The following ISX variants were observed in gnomAD, a reference collection of about 807,000 sequenced individuals.
The protein encoded by ISX is intestine-specific homeobox.
A neutral mutation model predicts 16.9 loss-of-function variants in ISX; 15 were observed. That is an observed-to-expected ratio of 0.89 (90% confidence interval 0.59 to 1.36). The LOEUF (loss-of-function observed/expected upper bound fraction) is 1.36, where lower values mean the gene tolerates loss of function less well. ISX is among the 40% of genes most tolerant of loss of function. The pLI, the probability that ISX is intolerant of heterozygous loss-of-function variation, is 0.00. For synonymous variants in ISX, 125 were observed against 119.7 expected (o/e 1.04, Z -0.29); for missense variants, 316 against 306.1 (o/e 1.03, Z -0.24).
chr22:35,080,261 A>G (rs1929094005), intron 2 of ISX, among the ~76,000 whole-genome samples: 1 of 152,172 alleles, frequency 6.6e-6, no homozygotes, highest in South Asian at 2.1e-4. Flanking sequence ...ATGACTACAA[A>G]GGCTAAATAG....
chr22:35,084,504 G>A lies in ISX; in HGVS notation c.498+5G>A. The A allele has an allele frequency of 6.3e-7, 1 of 1,594,524 alleles. No homozygotes were observed. Among genetic ancestry groups the A allele is most frequent in the Non-Finnish European group, 8.6e-7 (1 of 1,163,676 alleles). ...CCCACAAATCTGGATGTGGCTGTAAGTGGCTGAGGCCTCAAGGTAGGGTGG... is the reference window on the plus strand; with the variant it reads ...CCCACAAATCTGGATGTGGCTGTAAATGGCTGAGGCCTCAAGGTAGGGTGG... On this transcript the variant is annotated splice_donor_5th_base_variant and intron_variant, in intron 4 of 4. Transcript: ENST00000404699.
rs867585196 is a variant in ISX, at chr22:35,085,493, C to T, written c.538C>T (p.Pro180Ser). Residue 180 changes from proline to serine, a missense_variant, in exon 5 of 5, where the codon CCT becomes TCT. Physicochemically the swap from Pro to Ser is moderately conservative, Grantham distance 74. Transcript: ENST00000404699. ...ATCCACTGCTCTGCGCAGGCTGGCT[C>T]CTCCCACGAGCTGTTGTCCATCGGC... The part of the protein sequence containing the change: ...WTSTALRRLA[P>S]PTSCCPSAQD... 2 of 1,614,200 alleles carry T rather than the reference C, an allele frequency of 1.2e-6. No individual in the cohort carries two copies. Among genetic ancestry groups the T allele is most frequent in the East Asian group, 2.2e-5 (1 of 44,872 alleles).
chr22:35,066,763 T>C lies in ISX; in HGVS notation c.-325T>C. On this transcript the variant is annotated 5_prime_UTR_variant, in exon 2 of 5. Coordinates refer to ENST00000404699, the MANE Select transcript of ISX (RefSeq NM_001303508.2). The stretch of plus-strand genomic sequence containing the variant: ...GGCGGTGACCTCAGGGATCCTGGCC[T>C]AACCTGGTGATTGTGCAGGCAACTG... The C allele has an allele frequency of 3.4e-6, 1 of 295,490 alleles. No individual in the cohort carries two copies. Among genetic ancestry groups the C allele is most frequent in the Non-Finnish European group, 6.3e-6 (1 of 158,894 alleles). The allele number at this position is 295,490 out of a possible 1,614,324, so 18.3% of individuals were successfully genotyped here.
At position 35,067,146 on chromosome 22, in the gene ISX, G is replaced by A. The variant is rs1172660394; in HGVS notation, c.59G>A (p.Cys20Tyr). The change falls in exon 2 of 5, where the codon TGC becomes TAC. Residue 20 changes from cysteine to tyrosine, a missense_variant. Transcript: ENST00000404699. ...CRGMERNSLGCCEAPKKLSLS... is the reference protein window; with the variant it reads ...CRGMERNSLGYCEAPKKLSLS... ...GGTATGGAGAGAAATAGCTTGGGGT[G>A]CTGTGAGGCCCCGAAGAAGCTGAGC... is the stretch of plus-strand genomic sequence containing the variant. 2 of 1,614,072 alleles carry A rather than the reference G, an allele frequency of 1.2e-6. No homozygotes were observed. The highest frequency in any genetic ancestry group is 8.5e-7 in the Non-Finnish European group (1 of 1,179,976).
chr22:35,082,694 C>T lies in ISX; in HGVS notation c.381+25C>T, dbSNP rs761959842. On this transcript the variant is annotated intron_variant, in intron 3 of 4. Coordinates refer to ENST00000404699, the MANE Select transcript of ISX (RefSeq NM_001303508.2). ...GGTACAGCCATCCCTACCTCAGCCC[C>T]CAGCCTCCATGCCCTTGGGACCATG... 23 of 1,613,286 alleles carry T rather than the reference C, an allele frequency of 1.4e-5. No individual in the cohort carries two copies. The East Asian group carries it at 4.7e-4, about 33-fold the overall frequency.
At chr22:35,069,864 T>C (rs1928803735) in intron 2 of ISX, among the ~76,000 whole-genome samples, 1 of 152,160 alleles carries the variant, frequency 6.6e-6, no homozygotes, top group Non-Finnish European at 1.5e-5. Context: ...AAAGGCTTCC[T>C]AGACTGGCTC....
chr22:35,072,706 C>G (rs1464443712), intron 2 of ISX, among the ~76,000 whole-genome samples: 1 of 152,332 alleles, frequency 6.6e-6, no homozygotes, highest in East Asian at 1.9e-4. Context: ...TTTATCCAGA[C>G]AGGCAACAAA....
At position 35,084,381 on chromosome 22, in the gene ISX, A is replaced by G; in HGVS notation, c.382-2A>G. On this transcript the variant is annotated splice_acceptor_variant, in intron 3 of 4. Coordinates refer to ENST00000404699, the MANE Select transcript of ISX (RefSeq NM_001303508.2). LOFTEE classifies it high-confidence loss of function. Reference sequence around the variant, plus strand: ...ATCCCCGTCCTTTCTCCCTGATTACAGATCTGGTTCCAGAATCAGCGAGCC... The same window carrying G: ...ATCCCCGTCCTTTCTCCCTGATTACGGATCTGGTTCCAGAATCAGCGAGCC... The G allele has an allele frequency of 6.2e-7, 1 of 1,609,824 alleles. No individual in the cohort carries two copies. The highest frequency in any genetic ancestry group is 8.5e-7 in the Non-Finnish European group (1 of 1,176,432).
In ISX at chr22:35,073,562, G is replaced by A. The variant is rs1928910261; in HGVS notation, c.229+6246G>A. Among the ~76,000 whole-genome samples the A allele has an allele frequency of 3.3e-5, 5 of 152,196 alleles. No individual in the cohort carries two copies. The South Asian group carries it at 8.3e-4, about 25-fold the overall frequency. The stretch of plus-strand genomic sequence containing the variant: ...CACAAATGAAAGTACAATTACAATT[G>A]TGGCAAGTGCTGGGGAGATGGTGAC... On this transcript the variant is annotated intron_variant, in intron 2 of 4. Transcript: ENST00000404699.
chr22:35,071,711 G>C (rs973917280), intron 2 of ISX, among the ~76,000 whole-genome samples: 12 of 152,116 alleles, frequency 7.9e-5, no homozygotes, highest in Non-Finnish European at 1.2e-4. Context: ...GGAGAGAAAG[G>C]GCCTCTTCAG....
chr22:35,079,951 C>T (rs1929084128), intron 2 of ISX, among the ~76,000 whole-genome samples: 1 of 152,226 alleles, frequency 6.6e-6, no homozygotes, highest in Non-Finnish European at 1.5e-5. Context: ...GAGCTACAGG[C>T]AATGCTGGTT....
intron 2 of ISX, 117 bp downstream of exon 2, chr22:35,067,433 G>T (rs749329719): frequency 5.7e-6 from 4 of 698,740 alleles, no homozygotes; most frequent in Non-Finnish European, 9.5e-6. Context: ...AAAATTCAGA[G>T]CAAGACCTGG....
intron 2 of ISX, among the ~76,000 whole-genome samples, chr22:35,077,556 G>T (rs926836608): frequency 6.6e-6 from 1 of 151,998 alleles, no homozygotes; most frequent in East Asian, 1.9e-4. Flanking sequence ...ATGAATTTTA[G>T]GCACCCCTCC....
In ISX at chr22:35,067,170, G is replaced by T; in HGVS notation, c.83G>T (p.Ser28Ile). The T allele has an allele frequency of 6.2e-7, 1 of 1,613,408 alleles. No individual in the cohort carries two copies. Among genetic ancestry groups the T allele is most frequent in the Non-Finnish European group, 8.5e-7 (1 of 1,179,580 alleles). The part of the protein sequence containing the change: ...LGCCEAPKKL[S>I]LSFSIEAILK... The stretch of plus-strand genomic sequence containing the variant: ...TGCTGTGAGGCCCCGAAGAAGCTGA[G>T]CCTGTCCTTCTCCATTGAGGCGATC... The change falls in exon 2 of 5, where the codon AGC becomes ATC. Residue 28 changes from serine to isoleucine, a missense_variant. Transcript: ENST00000404699.
rs1361438724 is a variant in ISX, at chr22:35,067,183, C to G, written c.96C>G (p.Ser32=). 1 of 1,612,940 alleles carries G rather than the reference C, an allele frequency of 6.2e-7. No homozygotes were observed. The highest frequency in any genetic ancestry group is 1.1e-5 in the South Asian group (1 of 90,764). Residue 32 remains serine, a synonymous_variant, in exon 2 of 5, where the codon TCC becomes TCG. Coordinates refer to ENST00000404699, the MANE Select transcript of ISX (RefSeq NM_001303508.2). ...EAPKKLSLSF[S]IEAILKRPAR... is the part of the protein sequence containing the mutation. Reference sequence around the variant, plus strand: ...CGAAGAAGCTGAGCCTGTCCTTCTCCATTGAGGCGATCCTAAAGAGGCCTG... The same window carrying G: ...CGAAGAAGCTGAGCCTGTCCTTCTCGATTGAGGCGATCCTAAAGAGGCCTG...
At position 35,084,490 on chromosome 22, in the gene ISX, G is replaced by T. The variant is rs375729047; in HGVS notation, c.489G>T (p.Leu163=). The T allele has an allele frequency of 5.0e-6, 8 of 1,609,944 alleles. No individual in the cohort carries two copies. Among genetic ancestry groups the T allele is most frequent in the Non-Finnish European group, 6.8e-6 (8 of 1,177,266 alleles). The change falls in exon 4 of 5, where the codon CTG becomes CTT. Residue 163 remains leucine, a synonymous_variant. Transcript: ENST00000404699. ...SEASVALPTN[L]DVAGPTWTST... ...CCAGTGTGGCCCTGCCCACAAATCT[G>T]GATGTGGCTGTAAGTGGCTGAGGCC...
chr22:35,085,665 G>C lies in ISX; in HGVS notation c.710G>C (p.Trp237Ser), dbSNP rs1601562912. ...ATCCTTCCACCTCCACACCCCAAAT[G>C]GGGCAGCATCTGTGCTACTTCAACA... ...LCILPPPHPKWGSICATST is the reference protein window; with the variant it reads ...LCILPPPHPKSGSICATST The change falls in exon 5 of 5, where the codon TGG (tryptophan) becomes TCG (serine). Residue 237 changes from tryptophan to serine, a missense_variant. Transcript: ENST00000404699. 6.2e-7 allele frequency: 1 copy of C among 1,614,164 alleles called. No individual in the cohort carries two copies. The highest frequency in any genetic ancestry group is 1.1e-5 in the South Asian group (1 of 91,084).
rs374213919 is a variant in ISX, at chr22:35,076,193, T to G, written c.230-6325T>G. ...ATTGATTTGAGCTTTGACGGATGAG[T>G]AGGAGTTCACCAGGCAAAGGAGGAG... On this transcript the variant is annotated intron_variant, in intron 2 of 4. Transcript: ENST00000404699. Among the ~76,000 whole-genome samples, 17 of 151,600 alleles carry G rather than the reference T, an allele frequency of 1.1e-4. 1 individual carries two copies. The highest frequency in any genetic ancestry group is 3.9e-4 in the African/African-American group (16 of 41,274).
At position 35,085,577 on chromosome 22, in the gene ISX, C is replaced by T; in HGVS notation, c.622C>T (p.Pro208Ser). The change falls in exon 5 of 5, where the codon CCA becomes TCA. Residue 208 changes from proline (P) to serine (S), a missense_variant. Physicochemically the swap from Pro to Ser is moderately conservative, Grantham distance 74. Coordinates refer to ENST00000404699, the MANE Select transcript of ISX (RefSeq NM_001303508.2). ...PAWITLLPAH[P>S]WETQPVPGLP... ...CTGGATCACCCTCCTCCCAGCGCAC[C>T]CATGGGAAACACAGCCTGTCCCAGG... The T allele has an allele frequency of 1.9e-6, 3 of 1,614,258 alleles. No individual in the cohort carries two copies. Among genetic ancestry groups the T allele is most frequent in the East Asian group, 2.2e-5 (1 of 44,880 alleles).
Sources: gnomAD v4.1 joint callset for allele counts (sites outside exome capture counted in the v4.1 genomes callset) on GRCh38, gnomAD v4.1.1 for gene constraint, MANE v1.5 for transcripts, NCBI Gene and HGNC (gene_info 2026-07-23, HGNC 2026-07-21) for gene names.